BCKDK: variants seen among roughly 807,000 people sequenced by gnomAD.
BCKDK encodes the protein branched chain keto acid dehydrogenase kinase, also known as branched-chain alpha-ketoacid dehydrogenase kinase.
A neutral mutation model predicts 43.9 loss-of-function variants in BCKDK; 28 were observed. The observed-to-expected ratio is 0.64, with a 90% CI of 0.47 to 0.87. BCKDK has a LOEUF of 0.87. BCKDK is among the 40% of genes least tolerant of loss of function. The pLI, the probability that BCKDK is intolerant of heterozygous loss-of-function variation, is 0.00. For synonymous variants in BCKDK, 257 were observed against 234.3 expected (o/e 1.10, Z -0.88); for missense variants, 483 against 581.4 (o/e 0.83, Z 1.74).
chr16:31,111,725 T>A, intron 10 of BCKDK, 144 bp from the exon 11 acceptor site: 1 of 1,115,772 alleles, frequency 9.0e-7, no homozygotes, highest in East Asian at 2.4e-5. Context: ...GAGGATGATA[T>A]AAACAAGGCC....
Position 31,110,533 on chromosome 16 carries a change from C to T in BCKDK, c.642+34C>T. The stretch of plus-strand genomic sequence containing the variant: ...CTGGGACCTGAGACCCACCTGGGAA[C>T]ATTAAGTGAGACAGAGGAGACTGGG... On this transcript the variant is annotated intron_variant, in intron 7 of 11. Coordinates refer to ENST00000219794, the MANE Select transcript of BCKDK (RefSeq NM_005881.4). The surrounding 1 kb of genome is among the most constrained non-coding windows in gnomAD (Gnocchi z 5.4). 2 of 1,608,990 alleles carry T rather than the reference C, an allele frequency of 1.2e-6. No homozygotes were observed. Among genetic ancestry groups the T allele is most frequent in the Non-Finnish European group, 1.7e-6 (2 of 1,175,832 alleles).
chr16:31,111,889 G>A lies in BCKDK; in HGVS notation c.956G>A (p.Gly319Glu), dbSNP rs754464146. ...GCTAGGATCTCAGACCGTGGTGGAG[G>A]AATCGCTCACAAAGATCTGGACCGG... ...LIIRISDRGGGIAHKDLDRVM... is the reference protein window; with the variant it reads ...LIIRISDRGGEIAHKDLDRVM... Residue 319 changes from glycine (G) to glutamate (E), a missense_variant, in exon 11 of 12, where the codon GGA (glycine) becomes GAA (glutamate). Transcript: ENST00000219794. The A allele has an allele frequency of 1.2e-6, 2 of 1,614,118 alleles. No individual in the cohort carries two copies. Among genetic ancestry groups the A allele is most frequent in the South Asian group, 1.1e-5 (1 of 91,086 alleles).
rs760851100 is a variant in BCKDK, at chr16:31,111,301, G to A, written c.847G>A (p.Ala283Thr). ...LPELLKNAMR[A>T]TMESHLDTPY... ...TACTGGTCTTTCCCCTCTGCATAGAGCCACAATGGAGAGTCACCTAGACAC... is the reference window on the plus strand; with the variant it reads ...TACTGGTCTTTCCCCTCTGCATAGAACCACAATGGAGAGTCACCTAGACAC... Residue 283 changes from alanine to threonine, a missense_variant and splice_region_variant, in exon 10 of 12, where the codon GCC becomes ACC. By Grantham distance (58) the Ala-to-Thr change is moderately conservative. Transcript: ENST00000219794. 1.5e-5 allele frequency: 25 copies of A among 1,614,148 alleles called. No homozygotes were observed. The highest frequency in any genetic ancestry group is 2.1e-5 in the Non-Finnish European group (25 of 1,180,028).
chr16:31,112,980 A>G (rs2057426707), downstream of BCKDK, among the ~76,000 whole-genome samples: 1 of 152,186 alleles, frequency 6.6e-6, no homozygotes, highest in South Asian at 2.1e-4. This position sits in a 1 kb window ranked among gnomAD's most constrained non-coding sequence, Gnocchi z 5.0. Flanking sequence ...GCTGCCAAGG[A>G]AAAGAACATA....
chr16:31,117,180 GACA>G (rs1362947611), downstream of BCKDK, among the ~76,000 whole-genome samples: 2 of 151,564 alleles, frequency 1.3e-5, no homozygotes, highest in Non-Finnish European at 2.9e-5. Context: ...GACTATCCTG[GACA>G]ACATGGTGAA....
chr16:31,111,477 C>T (rs2057412100), intron 10 of BCKDK, 88 bp downstream of exon 10: 3 of 1,422,200 alleles, frequency 2.1e-6, no homozygotes, highest in East Asian at 2.3e-5. Flanking sequence ...TGAGCCCCTT[C>T]CTGCCCCATT....
At position 31,109,197 on chromosome 16, in the gene BCKDK, G is replaced by A; in HGVS notation, c.-27G>A. On this transcript the variant is annotated 5_prime_UTR_variant, in exon 2 of 12. Transcript: ENST00000219794. The surrounding 1 kb of genome is among the most constrained non-coding windows in gnomAD (Gnocchi z 5.3). ...TCCTAGCGGATCCTCAGTCCTAGCG[G>A]CCACCGGGTCTGAAAGGAGCAAGAC... 6.7e-7 allele frequency: 1 copy of A among 1,490,102 alleles called. No individual in the cohort carries two copies. The highest frequency in any genetic ancestry group is 8.9e-7 in the Non-Finnish European group (1 of 1,124,660). The allele number at this position is 1,490,102 out of a possible 1,614,324, so 92.3% of individuals were successfully genotyped here. A position where few individuals can be genotyped will look rare whatever the true frequency, so the allele number is the denominator to read the frequency against.
chr16:31,111,099 G>T lies in BCKDK; in HGVS notation c.725G>T (p.Cys242Phe). The T allele has an allele frequency of 6.2e-7, 1 of 1,614,136 alleles. No individual in the cohort carries two copies. The highest frequency in any genetic ancestry group is 1.1e-5 in the South Asian group (1 of 91,078). ...EKWVDFARRL[C>F]EHKYGNAPRV... is the part of the protein sequence containing the mutation. The stretch of plus-strand genomic sequence containing the variant: ...CTCGCTCCTATCCGCAGACGCCTGT[G>T]TGAGCACAAGTATGGCAATGCGCCC... The change falls in exon 9 of 12, where the codon TGT becomes TTT. Residue 242 changes from cysteine (C) to phenylalanine (F), a missense_variant. Cys to Phe is a radical substitution (Grantham distance 205, BLOSUM62 -2). Transcript: ENST00000219794.
At position 31,109,905 on chromosome 16, in the gene BCKDK, C is replaced by T; in HGVS notation, c.375+122C>T. The T allele has an allele frequency of 7.3e-7, 1 of 1,369,864 alleles. No homozygotes were observed. The highest frequency in any genetic ancestry group is 1.0e-6 in the Non-Finnish European group (1 of 970,390). 84.9% of individuals were successfully genotyped at this position (1,369,864 alleles called of 1,614,324 possible). A position where few individuals can be genotyped will look rare whatever the true frequency, so the allele number is the denominator to read the frequency against. ...GTGTCAGGGCCACACAGGATTCAAC[C>T]CCAGGCCTTCAGAAGCCAAAGGTGT... On this transcript the variant is annotated intron_variant, in intron 4 of 11. Transcript: ENST00000219794. The surrounding 1 kb of genome is among the most constrained non-coding windows in gnomAD (Gnocchi z 5.3).
downstream of BCKDK, among the ~76,000 whole-genome samples, chr16:31,117,097 C>A (rs1034276614): frequency 6.6e-6 from 1 of 152,026 alleles, no homozygotes; most frequent in Non-Finnish European, 1.5e-5. Context: ...GCTGGCCGGG[C>A]ACGGTGGCTC....
In BCKDK at chr16:31,109,338, C is replaced by G. The variant is rs754278207; in HGVS notation, c.115C>G (p.His39Asp). The G allele has an allele frequency of 1.2e-6, 2 of 1,610,332 alleles. No individual in the cohort carries two copies. Among genetic ancestry groups the G allele is most frequent in the Non-Finnish European group, 1.7e-6 (2 of 1,178,176 alleles). The change falls in exon 2 of 12, where the codon CAC (histidine) becomes GAC (aspartate). Residue 39 changes from histidine (H) to aspartate (D), a missense_variant. By Grantham distance (81) the His-to-Asp change is moderately conservative. Transcript: ENST00000219794. The surrounding 1 kb of genome is among the most constrained non-coding windows in gnomAD (Gnocchi z 5.3). ...ARSTSATDTH[H>D]VEMARERSKT... ...CTCGACGTCGGCCACCGACACACAC[C>G]ACGTGGAGATGGCTCGGGAGCGCTC...
chr16:31,117,393 TAAATA>T (rs2057454213), downstream of BCKDK: 1 of 210,574 alleles, frequency 4.7e-6, no homozygotes, highest in South Asian at 1.9e-4. Flanking sequence ...AATAAATAAA[TAAATA>T]AATTAAAAAA....
At chr16:31,117,369 A>AAATAAATAAATAAAT (rs2057453702), downstream of BCKDK, 11 of 146,592 alleles carry the variant, frequency 7.5e-5, no homozygotes, top group Non-Finnish European at 1.3e-4. Context: ...ATTCCGTCTC[A>AAATAAATAAATAAAT]AAATAAATAA....
At chr16:31,116,118 G>A (rs1472001890), downstream of BCKDK, among the ~76,000 whole-genome samples, 1 of 150,742 alleles carries the variant, frequency 6.6e-6, no homozygotes, top group Non-Finnish European at 1.5e-5. Flanking sequence ...GAGTTTCATC[G>A]TGTTAGCCAG....
In BCKDK at chr16:31,109,126, C is replaced by A; in HGVS notation, c.-98C>A. ...CCCTGAAGTCGGAGAAGAGCCCCTACCCACCCACACCCCCTTGCCCCATTT... is the reference window on the plus strand; with the variant it reads ...CCCTGAAGTCGGAGAAGAGCCCCTAACCACCCACACCCCCTTGCCCCATTT... On this transcript the variant is annotated 5_prime_UTR_variant, in exon 2 of 12. Coordinates refer to ENST00000219794, the MANE Select transcript of BCKDK (RefSeq NM_005881.4). This position sits in a 1 kb window ranked among gnomAD's most constrained non-coding sequence, Gnocchi z 5.3. The A allele has an allele frequency of 1.2e-3, 953 of 828,440 alleles. No individual in the cohort carries two copies. The highest frequency in any genetic ancestry group is 1.3e-3 in the Non-Finnish European group (766 of 581,212). The allele number at this position is 828,440 out of a possible 1,614,324, so 51.3% of individuals were successfully genotyped here.
intron 10 of BCKDK, 35 bp from the exon 11 acceptor site, chr16:31,111,834 C>G (rs776686374): frequency 6.2e-7 from 1 of 1,611,674 alleles, no homozygotes; most frequent in African/African-American, 1.3e-5. Context: ...CCCATCAAAG[C>G]TGAGCCAAGC....
At position 31,108,580 on chromosome 16, in the gene BCKDK, C is replaced by T. The variant is rs2057383611; in HGVS notation, c.-178+101C>T. 1 of 152,494 alleles carries T rather than the reference C, an allele frequency of 6.6e-6. No homozygotes were observed. Among genetic ancestry groups the T allele is most frequent in the African/African-American group, 2.4e-5 (1 of 41,462 alleles). 9.4% of individuals were successfully genotyped at this position (152,494 alleles called of 1,614,324 possible). On this transcript the variant is annotated intron_variant, in intron 1 of 11. Coordinates refer to ENST00000219794, the MANE Select transcript of BCKDK (RefSeq NM_005881.4). This position sits in a 1 kb window ranked among gnomAD's most constrained non-coding sequence, Gnocchi z 6.2. ...GGCGCGCAGACGGGGCTGGCATCTA[C>T]CATATGGGGGGCATCCGGGCCGAAC...
rs2057408120 is a variant in BCKDK at position 31,111,073 on chromosome 16, C to A, written c.717-18C>A. 1 of 1,613,278 alleles carries A rather than the reference C, an allele frequency of 6.2e-7. No individual in the cohort carries two copies. Among genetic ancestry groups the A allele is most frequent in the East Asian group, 2.2e-5 (1 of 44,876 alleles). The stretch of plus-strand genomic sequence containing the variant: ...CTGGTGGAGGGGCCCCTGACTGAAC[C>A]CTCGCTCCTATCCGCAGACGCCTGT... On this transcript the variant is annotated intron_variant, in intron 8 of 11. Transcript: ENST00000219794.
In BCKDK at chr16:31,108,520, C is replaced by G. The variant is rs947447121; in HGVS notation, c.-178+41C>G. On this transcript the variant is annotated intron_variant, in intron 1 of 11. Coordinates refer to ENST00000219794, the MANE Select transcript of BCKDK (RefSeq NM_005881.4). The surrounding 1 kb of genome is among the most constrained non-coding windows in gnomAD (Gnocchi z 6.2). ...CCAGCCTACTCAGTCCGCGGAGGCC[C>G]CGCGGCGCACGTCCGCAGCCTCCAT... 1 of 152,196 alleles carries G rather than the reference C, an allele frequency of 6.6e-6. No individual in the cohort carries two copies. The highest frequency in any genetic ancestry group is 2.4e-5 in the African/African-American group (1 of 41,424). The allele number at this position is 152,196 out of a possible 1,614,324, so 9.4% of individuals were successfully genotyped here. A position where few individuals can be genotyped will look rare whatever the true frequency, so the allele number is the denominator to read the frequency against.
Sources: gnomAD v4.1 joint callset for allele counts (sites outside exome capture counted in the v4.1 genomes callset) on GRCh38, gnomAD v4.1.1 for gene constraint, Gnocchi (gnomAD v3.1) non-coding constraint, MANE v1.5 for transcripts, NCBI Gene and HGNC (gene_info 2026-07-23, HGNC 2026-07-21) for gene names.